The following DMBX1 variants were observed in gnomAD, a reference collection of about 807,000 sequenced individuals.
DMBX1 encodes the protein diencephalon/mesencephalon homeobox protein 1.
Under a neutral mutation model 30.4 loss-of-function variants are expected in DMBX1, and 7 were observed. That is an observed-to-expected ratio of 0.23 (90% CI 0.13 to 0.43). The LOEUF is 0.43. Ranked by LOEUF, DMBX1 falls within the 20% of genes least tolerant of loss-of-function variation. The probability of loss-of-function intolerance (pLI) is 1.00; values close to 1 mark genes in which losing one functional copy is unlikely to be tolerated. For missense variants in DMBX1, 460 were observed against 508.5 expected, an observed-to-expected ratio of 0.90 and a Z score of 0.92; for synonymous variants, 222 against 214.2, an observed-to-expected ratio of 1.04 and a Z score of -0.32.
In DMBX1 at chr1:46,510,869, C is replaced by T; in HGVS notation, c.334-66C>T. On this transcript the variant is annotated intron_variant, in intron 4 of 5. Coordinates refer to ENST00000360032, the MANE Select transcript of DMBX1 (RefSeq NM_172225.2). This position sits in a 1 kb window ranked among gnomAD's most constrained non-coding sequence, Gnocchi z 4.1. ...TTATCACGTACATCCTCTCCCAGAG[C>T]ACCCTGCTCCACACCAACCCCACTT... is the stretch of plus-strand genomic sequence containing the variant. 1 of 1,468,564 alleles carries T rather than the reference C, an allele frequency of 6.8e-7. No homozygotes were observed. The highest frequency in any genetic ancestry group is 9.1e-7 in the Non-Finnish European group (1 of 1,095,904). The allele number at this position is 1,468,564 out of a possible 1,614,324, so 91.0% of individuals were successfully genotyped here.
chr1:46,491,008 G>A lies in DMBX1; in HGVS notation c.-13+225G>A, dbSNP rs1265749115. The stretch of plus-strand genomic sequence containing the variant: ...ACTGGATGGCCGTAACTCAGTCGTT[G>A]ACGGCGACAGGCCAGGGGCCCTGAT... On this transcript the variant is annotated intron_variant, in intron 2 of 5. Transcript: ENST00000360032. This position sits in a 1 kb window ranked among gnomAD's most constrained non-coding sequence, Gnocchi z 5.5. 6.6e-6 allele frequency among the ~76,000 whole-genome samples: 1 copy of A among 152,266 alleles called. No individual in the cohort carries two copies. The highest frequency in any genetic ancestry group is 1.9e-4 in the East Asian group (1 of 5,202).
At chr1:46,511,311 G>C in intron 5 of DMBX1, 28 bp downstream of exon 5, 1 of 1,507,676 alleles carries the variant, frequency 6.6e-7, no homozygotes, top group Non-Finnish European at 8.9e-7. Flanking sequence ...CCATGGGAGG[G>C]CTGGGGTCTG....
chr1:46,502,349 C>G (rs1043737213), intron 2 of DMBX1, among the ~76,000 whole-genome samples: 1 of 120,156 alleles, frequency 8.3e-6, no homozygotes, highest in Non-Finnish European at 1.7e-5. Context: ...GGATGGAAAC[C>G]TGAGTTATCC....
In DMBX1 at chr1:46,510,360, A is replaced by G. The variant is rs1666338355; in HGVS notation, c.155-116A>G. The G allele has an allele frequency of 7.6e-7, 1 of 1,319,552 alleles. No individual in the cohort carries two copies. Among genetic ancestry groups the G allele is most frequent in the Admixed American group, 2.4e-5 (1 of 40,890 alleles). 81.7% of individuals were successfully genotyped at this position (1,319,552 alleles called of 1,614,324 possible). A position where few individuals can be genotyped will look rare whatever the true frequency, so the allele number is the denominator to read the frequency against. ...TTTCTAAGGGTAAGGGACCAGGGCC[A>G]GCTCTGGCAGCAGCCTGGGTGTCCA... On this transcript the variant is annotated intron_variant, in intron 3 of 5. Coordinates refer to ENST00000360032, the MANE Select transcript of DMBX1 (RefSeq NM_172225.2). The surrounding 1 kb of genome is among the most constrained non-coding windows in gnomAD (Gnocchi z 4.1).
intron 2 of DMBX1, among the ~76,000 whole-genome samples, chr1:46,501,216 T>TCC (rs879746376): frequency 0.12 from 7,203 of 61,456 alleles, 526 homozygotes; most frequent in East Asian, 0.29. Context: ...CTTCCTTCCT[T>TCC]TCTTTCTTTC....
At chr1:46,500,380 A>G (rs1666100553) in intron 2 of DMBX1, among the ~76,000 whole-genome samples, 1 of 152,150 alleles carries the variant, frequency 6.6e-6, no homozygotes, top group African/African-American at 2.4e-5. Flanking sequence ...CTAAAGCAAC[A>G]AAGCCCCTGA....
rs1359321146 is a variant in DMBX1, at chr1:46,491,941, G to A, written c.-13+1158G>A. Among the ~76,000 whole-genome samples the A allele has an allele frequency of 6.6e-6, 1 of 152,124 alleles. No individual in the cohort carries two copies. The highest frequency in any genetic ancestry group is 1.5e-5 in the Non-Finnish European group (1 of 68,014). On this transcript the variant is annotated intron_variant, in intron 2 of 5. Coordinates refer to ENST00000360032, the MANE Select transcript of DMBX1 (RefSeq NM_172225.2). The surrounding 1 kb of genome is among the most constrained non-coding windows in gnomAD (Gnocchi z 5.5). ...GTGAGAGCAAATTCTCTGGATAATT[G>A]GCTCAAATCTCTCTCCTGTATGGCT...
intron 2 of DMBX1, among the ~76,000 whole-genome samples, chr1:46,497,414 G>A (rs1403788820): frequency 3.3e-5 from 5 of 152,204 alleles, no homozygotes; most frequent in African/African-American, 4.8e-5. Flanking sequence ...CTCAGAGAAT[G>A]TTTGTTTCCT....
In DMBX1 at chr1:46,512,435, C is replaced by G. The variant is rs1239198712; in HGVS notation, c.1075C>G (p.Leu359Val). 2 of 1,613,888 alleles carry G rather than the reference C, an allele frequency of 1.2e-6. No individual in the cohort carries two copies. The highest frequency in any genetic ancestry group is 1.7e-6 in the Non-Finnish European group (2 of 1,179,980). ...LNSKTTSIEN[L>V]RLRAKQHAAS... Reference sequence around the variant, plus strand: ...CAGTAAAACCACAAGCATCGAGAACCTGCGGCTCCGGGCCAAGCAGCACGC... The same window carrying G: ...CAGTAAAACCACAAGCATCGAGAACGTGCGGCTCCGGGCCAAGCAGCACGC... Residue 359 changes from leucine (L) to valine (V), a missense_variant, in exon 6 of 6, where the codon CTG (leucine) becomes GTG (valine). Physicochemically the swap from Leu to Val is conservative, Grantham distance 32. Coordinates refer to ENST00000360032, the MANE Select transcript of DMBX1 (RefSeq NM_172225.2). The surrounding 1 kb of genome is among the most constrained non-coding windows in gnomAD (Gnocchi z 4.8).
At chr1:46,502,867 G>A (rs992648677) in intron 2 of DMBX1, among the ~76,000 whole-genome samples, 1 of 152,122 alleles carries the variant, frequency 6.6e-6, no homozygotes, top group Admixed American at 6.5e-5. Flanking sequence ...GAGACACAGC[G>A]AGACCCTGTC....
At position 46,510,331 on chromosome 1, in the gene DMBX1, C is replaced by A; in HGVS notation, c.155-145C>A. 1.0e-6 allele frequency: 1 copy of A among 994,536 alleles called. No individual in the cohort carries two copies. Among genetic ancestry groups the A allele is most frequent in the Non-Finnish European group, 1.4e-6 (1 of 695,828 alleles). 61.6% of individuals were successfully genotyped at this position (994,536 alleles called of 1,614,324 possible). On this transcript the variant is annotated intron_variant, in intron 3 of 5. Coordinates refer to ENST00000360032, the MANE Select transcript of DMBX1 (RefSeq NM_172225.2). The surrounding 1 kb of genome is among the most constrained non-coding windows in gnomAD (Gnocchi z 4.1). ...CCACAGCCATATGGAGAGGGGATGG[C>A]TGATTTCTAAGGGTAAGGGACCAGG...
Position 46,510,404 on chromosome 1 carries a change from T to A in DMBX1, c.155-72T>A, listed in dbSNP as rs1557789846. The A allele has an allele frequency of 6.5e-6, 10 of 1,541,218 alleles. No homozygotes were observed. The highest frequency in any genetic ancestry group is 3.5e-6 in the Non-Finnish European group (4 of 1,145,780). The stretch of plus-strand genomic sequence containing the variant: ...GTGTCCACAGTGGGTCAGAGCAGGA[T>A]AAGATTCAAAGCTATTTCCCATAAT... On this transcript the variant is annotated intron_variant, in intron 3 of 5. Coordinates refer to ENST00000360032, the MANE Select transcript of DMBX1 (RefSeq NM_172225.2). This position sits in a 1 kb window ranked among gnomAD's most constrained non-coding sequence, Gnocchi z 4.1.
intron 2 of DMBX1, among the ~76,000 whole-genome samples, chr1:46,495,400 C>T (rs577595435): frequency 1.6e-4 from 25 of 152,298 alleles, no homozygotes; most frequent in African/African-American, 5.8e-4. Context: ...TAGACTCCCT[C>T]GATTCCATCC....
At chr1:46,498,069 G>A (rs151149640) in intron 2 of DMBX1, among the ~76,000 whole-genome samples, 4 of 152,084 alleles carry the variant, frequency 2.6e-5, no homozygotes, top group African/African-American at 9.7e-5. Flanking sequence ...GTTCCAGCCT[G>A]GGGGGGCCTC....
Position 46,510,283 on chromosome 1 carries a change from T to C in DMBX1, c.155-193T>C, listed in dbSNP as rs2148490613. ...CCTCTGTGGTCCTGATAGTGCATAA[T>C]GGGGTGGAGAGACCTTGAAAGCCCA... On this transcript the variant is annotated intron_variant, in intron 3 of 5. Transcript: ENST00000360032. This position sits in a 1 kb window ranked among gnomAD's most constrained non-coding sequence, Gnocchi z 4.1. Among the ~76,000 whole-genome samples, 1 of 152,216 alleles carries C rather than the reference T, an allele frequency of 6.6e-6. No homozygotes were observed. Among genetic ancestry groups the C allele is most frequent in the East Asian group, 1.9e-4 (1 of 5,182 alleles).
rs1485845270 is a variant in DMBX1, at chr1:46,507,003, A to C, written c.-8A>C. 6.2e-7 allele frequency: 1 copy of C among 1,613,882 alleles called. No homozygotes were observed. The highest frequency in any genetic ancestry group is 1.1e-5 in the South Asian group (1 of 91,064). On this transcript the variant is annotated 5_prime_UTR_variant, in exon 3 of 6. It removes an upstream start codon present in the reference 5' UTR. Coordinates refer to ENST00000360032, the MANE Select transcript of DMBX1 (RefSeq NM_172225.2). ...CTCTCCCTTTTCCGTCTGTAGGCGG[A>C]TGCCGCCATGCAGCACTACGGGGTG...
At chr1:46,499,787 G>A (rs1421611475) in intron 2 of DMBX1, among the ~76,000 whole-genome samples, 4 of 152,190 alleles carry the variant, frequency 2.6e-5, no homozygotes, top group Non-Finnish European at 5.9e-5. Flanking sequence ...GTCTAGTTGG[G>A]GAGATAGAAG....
chr1:46,495,827 G>A (rs1363509427), intron 2 of DMBX1, among the ~76,000 whole-genome samples: 3 of 152,230 alleles, frequency 2.0e-5, no homozygotes, highest in Non-Finnish European at 4.4e-5. Flanking sequence ...CTGGTGGAGG[G>A]ACAACATTCC....
intron 1 of DMBX1, among the ~76,000 whole-genome samples, 80 bp downstream of exon 1, chr1:46,489,957 C>T (rs947060563): frequency 6.6e-6 from 1 of 152,180 alleles, no homozygotes; most frequent in Non-Finnish European, 1.5e-5. Flanking sequence ...GCCGTGAGAA[C>T]CCGGGGACAG....
Sources: allele counts gnomAD v4.1 joint callset (sites outside exome capture counted in the v4.1 genomes callset), GRCh38; gene constraint gnomAD v4.1.1; non-coding constraint Gnocchi (gnomAD v3.1); transcripts MANE v1.5; gene names NCBI Gene and HGNC (gene_info 2026-07-23, HGNC 2026-07-21).